Variants in PHACTR3 observed in about 807,000 individuals in gnomAD.
PHACTR3 encodes the protein protein phosphatase 1, regulatory subunit 123.
Under a neutral mutation model 66.8 loss-of-function variants are expected in PHACTR3, and 16 were observed. The ratio of observed to expected loss-of-function variants is 0.24; its 90% CI spans 0.16 to 0.36. The LOEUF (loss-of-function observed/expected upper bound fraction) is 0.36, where lower values mean the gene tolerates loss of function less well. Ranked by LOEUF, PHACTR3 falls within the 10% of genes least tolerant of loss-of-function variation. The pLI is 1.00. For missense variants in PHACTR3, 647 were observed against 719.9 expected, an observed-to-expected ratio of 0.90 and a Z score of 1.16; for synonymous variants, 323 against 292.1, an observed-to-expected ratio of 1.11 and a Z score of -1.08.
At chr20:59,836,419 C>A in intron 8 of PHACTR3, 86 bp from the exon 9 acceptor site, 1 of 1,339,722 alleles carries the variant, frequency 7.5e-7, no homozygotes, top group Non-Finnish European at 1.0e-6. Context: ...AGGGGTTTGC[C>A]AGCCACCTCT....
chr20:59,588,382 C>T (rs1034921996), intron 1 of PHACTR3, among the ~76,000 whole-genome samples: 19 of 152,186 alleles, frequency 1.2e-4, no homozygotes, highest in African/African-American at 4.1e-4. Flanking sequence ...CCCCATCTCT[C>T]CCTGTCCGAT....
intron 9 of PHACTR3, among the ~76,000 whole-genome samples, chr20:59,838,552 A>G (rs968753768): frequency 6.6e-6 from 1 of 152,204 alleles, no homozygotes; most frequent in Admixed American, 6.5e-5. Context: ...AGTACTTGGT[A>G]TATATTCCCT....
At chr20:59,773,593 T>C in intron 6 of PHACTR3, 140 bp downstream of exon 6, 1 of 958,368 alleles carries the variant, frequency 1.0e-6, no homozygotes, top group Non-Finnish European at 1.5e-6. Context: ...GGAAGTCACA[T>C]TTTCATTTTG....
chr20:59,775,014 G>A (rs1427987754), intron 7 of PHACTR3, among the ~76,000 whole-genome samples: 1 of 152,174 alleles, frequency 6.6e-6, no homozygotes, highest in Non-Finnish European at 1.5e-5. Context: ...GGCAGCATAC[G>A]CTTGTTTGGG....
chr20:59,818,331 C>T (rs957460319), intron 8 of PHACTR3, among the ~76,000 whole-genome samples: 4 of 152,166 alleles, frequency 2.6e-5, no homozygotes, highest in Non-Finnish European at 5.9e-5. Flanking sequence ...AGCCGTCACA[C>T]GTAGAATGCC....
At chr20:59,826,709 C>G (rs4812137) in intron 8 of PHACTR3, among the ~76,000 whole-genome samples, 16,032 of 152,174 alleles carry the variant, frequency 0.11, 1,260 homozygotes, top group East Asian at 0.25. Context: ...GCCTGTTACG[C>G]CTGCTGTCTC....
Position 59,836,258 on chromosome 20 carries a change from C to T in PHACTR3, c.1329-247C>T, listed in dbSNP as rs891416207. The T allele has an allele frequency of 1.4e-4, 69 of 477,634 alleles. No individual in the cohort carries two copies. In the East Asian group the frequency reaches 2.6e-3, roughly 18 times the overall value. 29.6% of individuals were successfully genotyped at this position (477,634 alleles called of 1,614,324 possible). A position where few individuals can be genotyped will look rare whatever the true frequency, so the allele number is the denominator to read the frequency against. Reference sequence around the variant, plus strand: ...GACAGATCAGAAAAATGAAGACCTGCACATGTGGAGCTGGAGCAAGGACTA... The same window carrying T: ...GACAGATCAGAAAAATGAAGACCTGTACATGTGGAGCTGGAGCAAGGACTA... On this transcript the variant is annotated intron_variant, in intron 8 of 12. Transcript: ENST00000371015.
intron 1 of PHACTR3, among the ~76,000 whole-genome samples, chr20:59,594,173 T>C (rs1008625620): frequency 6.6e-6 from 1 of 152,234 alleles, no homozygotes; most frequent in African/African-American, 2.4e-5. Context: ...GTCATTTTCC[T>C]CAAATCTTAT....
intron 1 of PHACTR3, among the ~76,000 whole-genome samples, chr20:59,692,974 A>T (rs774288788): frequency 6.6e-6 from 1 of 152,228 alleles, no homozygotes; most frequent in Non-Finnish European, 1.5e-5. Flanking sequence ...TTTTCCACTT[A>T]TAAAATGAAA....
chr20:59,732,235 CA>C (rs1400113010), intron 1 of PHACTR3, among the ~76,000 whole-genome samples: 1 of 152,200 alleles, frequency 6.6e-6, no homozygotes, highest in African/African-American at 2.4e-5. Context: ...ACACCGGTGT[CA>C]TGCCTAGATG....
Position 59,745,744 on chromosome 20 carries a change from T to C in PHACTR3, c.281-2014T>C, listed in dbSNP as rs145488923. Among the ~76,000 whole-genome samples, 10 of 152,284 alleles carry C rather than the reference T, an allele frequency of 6.6e-5. No individual in the cohort carries two copies. In the East Asian group the frequency reaches 1.9e-3, roughly 29 times the overall value. On this transcript the variant is annotated intron_variant, in intron 2 of 12. Coordinates refer to ENST00000371015, the MANE Select transcript of PHACTR3 (RefSeq NM_080672.5). ...AGGGGCTGCAGGGTGGACCAGCATC[T>C]CAGTCCATGCCTGCCCTGGCAGGTG...
intron 1 of PHACTR3, chr20:59,577,620 A>G: frequency 4.3e-6 from 5 of 1,169,424 alleles, no homozygotes; most frequent in Non-Finnish European, 5.3e-6. Flanking sequence ...TGCGCAAGGT[A>G]AGCGCGCGCT....
chr20:59,838,419 G>A (rs147239532), intron 9 of PHACTR3, among the ~76,000 whole-genome samples: 1 of 152,168 alleles, frequency 6.6e-6, no homozygotes, highest in East Asian at 1.9e-4. Context: ...TCATATCTGA[G>A]GAGCACTCAA....
At chr20:59,762,670 C>T (rs1260067905) in intron 4 of PHACTR3, among the ~76,000 whole-genome samples, 1 of 152,180 alleles carries the variant, frequency 6.6e-6, no homozygotes, top group Non-Finnish European at 1.5e-5. Flanking sequence ...GCAACAGAGG[C>T]CACATGGCCC....
At position 59,748,069 on chromosome 20, in the gene PHACTR3, CCA is replaced by C. The variant is rs1491378847; in HGVS notation, c.358+236_358+237del. Among the ~76,000 whole-genome samples the C allele has an allele frequency of 5.3e-5, 8 of 152,200 alleles. No individual in the cohort carries two copies. The East Asian group carries it at 1.3e-3, about 26-fold the overall frequency. On this transcript the variant is annotated intron_variant, in intron 3 of 12. Transcript: ENST00000371015. ...AGCTGAAGAGCTCCCCCTCATGGCA[CCA>C]CTCCTCTCTGGGGAATGTCTAACAG...
intron 4 of PHACTR3, among the ~76,000 whole-genome samples, chr20:59,756,900 A>G (rs1174476200): frequency 1.3e-5 from 2 of 152,214 alleles, no homozygotes; most frequent in Admixed American, 1.3e-4. Context: ...GCAGCAAAAG[A>G]AACTCCCATT....
chr20:59,599,213 C>T (rs1035936786), intron 1 of PHACTR3, among the ~76,000 whole-genome samples: 1 of 152,194 alleles, frequency 6.6e-6, no homozygotes, highest in African/African-American at 2.4e-5. Flanking sequence ...CTCCGCCGTG[C>T]ACATTCATTC....
At chr20:59,677,895 AT>A (rs2036506068) in intron 1 of PHACTR3, among the ~76,000 whole-genome samples, 2 of 152,190 alleles carry the variant, frequency 1.3e-5, no homozygotes, top group Admixed American at 1.3e-4. Context: ...TAAGGAGAGG[AT>A]CAGAGGAATG....
intron 1 of PHACTR3, among the ~76,000 whole-genome samples, chr20:59,617,478 A>G (rs1027343813): frequency 1.3e-5 from 2 of 152,328 alleles, no homozygotes; most frequent in East Asian, 3.9e-4. Flanking sequence ...TTAACTAATA[A>G]CAATTTATTC....
Sources: allele counts gnomAD v4.1 joint callset (sites outside exome capture counted in the v4.1 genomes callset), GRCh38; gene constraint gnomAD v4.1.1; transcripts MANE v1.5; gene names NCBI Gene and HGNC (gene_info 2026-07-23, HGNC 2026-07-21).